Variants in INPP5A observed in about 807,000 individuals in gnomAD.
The protein encoded by INPP5A is inositol polyphosphate-5-phosphatase A.
INPP5A carries 14 observed loss-of-function variants against 65.2 expected under a neutral mutation model. The ratio of observed to expected loss-of-function variants is 0.21; its 90% CI spans 0.14 to 0.34. INPP5A has a LOEUF of 0.34. INPP5A is among the 10% of genes least tolerant of loss of function. INPP5A has a pLI of 1.00. For missense variants in INPP5A, 431 were observed against 545.6 expected (o/e 0.79, Z 2.09); for synonymous variants, 207 against 208.3 (o/e 0.99, Z 0.05).
chr10:132,765,902 C>A, intron 12 of INPP5A, 56 bp downstream of exon 12: 1 of 985,028 alleles, frequency 1.0e-6, no homozygotes, highest in Non-Finnish European at 1.7e-6. Context: ...CGTCTCCACC[C>A]TCCCAGTCTC....
At chr10:132,641,208 C>T (rs1198428061) in intron 2 of INPP5A, among the ~76,000 whole-genome samples, 1 of 152,220 alleles carries the variant, frequency 6.6e-6, no homozygotes, top group Non-Finnish European at 1.5e-5. Context: ...CCAAGAAAGG[C>T]AGGATAACAC....
At chr10:132,577,592 G>C (rs1251370355) in intron 1 of INPP5A, among the ~76,000 whole-genome samples, 1 of 152,246 alleles carries the variant, frequency 6.6e-6, no homozygotes, top group African/African-American at 2.4e-5. Context: ...CAGGTGGAAA[G>C]TGGCAGCTCT....
At chr10:132,768,797 T>C (rs576848793) in intron 12 of INPP5A, among the ~76,000 whole-genome samples, 1 of 152,354 alleles carries the variant, frequency 6.6e-6, no homozygotes, top group South Asian at 2.1e-4. Context: ...CGTTTCATGG[T>C]TTTTGCTGTT....
intron 4 of INPP5A, among the ~76,000 whole-genome samples, chr10:132,661,973 ACT>A (rs1348607914): frequency 6.6e-6 from 1 of 152,040 alleles, no homozygotes; most frequent in African/African-American, 2.4e-5. Flanking sequence ...TTTGCAAAAA[ACT>A]CACTTCAATT....
chr10:132,754,283 G>A (rs1846549563), intron 11 of INPP5A, among the ~76,000 whole-genome samples: 1 of 152,268 alleles, frequency 6.6e-6, no homozygotes, highest in Non-Finnish European at 1.5e-5. Context: ...TGTTTGGAGT[G>A]TCTGGCACAG....
At chr10:132,738,912 G>T (rs1016859820) in intron 9 of INPP5A, among the ~76,000 whole-genome samples, 16 of 152,206 alleles carry the variant, frequency 1.1e-4, no homozygotes, top group African/African-American at 3.9e-4. Context: ...TGAGGTCTGT[G>T]CTCCAGGGCC....
intron 12 of INPP5A, 124 bp from the exon 13 acceptor site, chr10:132,777,547 A>G (rs1273903731): frequency 1.3e-6 from 1 of 773,600 alleles, no homozygotes; most frequent in East Asian, 2.6e-5. Context: ...CCATGTGTGT[A>G]TTCATTCCCC....
At chr10:132,584,810 C>T (rs2071527946) in intron 1 of INPP5A, among the ~76,000 whole-genome samples, 1 of 152,164 alleles carries the variant, frequency 6.6e-6, no homozygotes, top group Admixed American at 6.5e-5. Context: ...CTCACAGTTC[C>T]CTGCCTCAAC....
chr10:132,661,389 A>G (rs1381689100), intron 4 of INPP5A, among the ~76,000 whole-genome samples: 1 of 152,238 alleles, frequency 6.6e-6, no homozygotes, highest in African/African-American at 2.4e-5. Flanking sequence ...TCAACTTGTA[A>G]ATGATGCCGT....
chr10:132,704,402 A>C lies in INPP5A; in HGVS notation c.475-3911A>C, dbSNP rs139107970. On this transcript the variant is annotated intron_variant, in intron 6 of 15. Coordinates refer to ENST00000368594, the MANE Select transcript of INPP5A (RefSeq NM_005539.5). The surrounding 1 kb of genome is among the most constrained non-coding windows in gnomAD (Gnocchi z 4.5). ...AAAGCCACCAAGGGACCATAGGTGC[A>C]GTTCTTAACCTGTGAGCCTCAGTTT... Among the ~76,000 whole-genome samples the C allele has an allele frequency of 6.6e-6, 1 of 152,324 alleles. No homozygotes were observed. The highest frequency in any genetic ancestry group is 2.4e-5 in the African/African-American group (1 of 41,582).
Position 132,762,827 on chromosome 10 carries a change from C to T in INPP5A, c.904-2946C>T, listed in dbSNP as rs1846758738. Reference sequence around the variant, plus strand: ...GCAATGTGGCAAGACCCCGTCTCTACAAAAAATAAAGACTTAGCAGGAGTG... The same window carrying T: ...GCAATGTGGCAAGACCCCGTCTCTATAAAAAATAAAGACTTAGCAGGAGTG... On this transcript the variant is annotated intron_variant, in intron 11 of 15. Coordinates refer to ENST00000368594, the MANE Select transcript of INPP5A (RefSeq NM_005539.5). The surrounding 1 kb of genome is among the most constrained non-coding windows in gnomAD (Gnocchi z 4.6). 6.6e-6 allele frequency among the ~76,000 whole-genome samples: 1 copy of T among 151,942 alleles called. No individual in the cohort carries two copies.
chr10:132,629,137 G>C (rs890721263), intron 2 of INPP5A, among the ~76,000 whole-genome samples: 2 of 152,172 alleles, frequency 1.3e-5, no homozygotes, highest in African/African-American at 4.8e-5. Flanking sequence ...TGCCGAGGGT[G>C]GGTCCATTTG....
At chr10:132,572,340 C>T (rs943850579) in intron 1 of INPP5A, among the ~76,000 whole-genome samples, 1 of 152,224 alleles carries the variant, frequency 6.6e-6, no homozygotes, top group Non-Finnish European at 1.5e-5. Context: ...GGGCCCCTCA[C>T]CTGGACCAGA....
chr10:132,775,188 G>GGGGCAGGGAGGAGAGAGGGGCAGGGA (rs1247276538), intron 12 of INPP5A, among the ~76,000 whole-genome samples: 2 of 1,750 alleles, frequency 1.1e-3, no homozygotes, highest in African/African-American at 4.5e-3. Context: ...CAGGGAGAGA[G>GGGGCAGGGAGGAGAGAGGGGCAGGGA]GGAGGGGCAG....
At chr10:132,673,428 T>C (rs2072920680) in intron 4 of INPP5A, among the ~76,000 whole-genome samples, 1 of 152,208 alleles carries the variant, frequency 6.6e-6, no homozygotes, top group South Asian at 2.1e-4. Context: ...TATTGGACGC[T>C]GATTCAGAGC....
Position 132,782,263 on chromosome 10 carries a change from T to G in INPP5A, c.*234T>G, listed in dbSNP as rs1847178246. On this transcript the variant is annotated 3_prime_UTR_variant, in exon 16 of 16. Coordinates refer to ENST00000368594, the MANE Select transcript of INPP5A (RefSeq NM_005539.5). This position sits in a 1 kb window ranked among gnomAD's most constrained non-coding sequence, Gnocchi z 4.4. ...GTAGAAATATTGGTTTTTTTTTTTT[T>G]TTTTTAAATAAGTCACAGTCCTGTT... 1 of 447,824 alleles carries G rather than the reference T, an allele frequency of 2.2e-6. No individual in the cohort carries two copies. Among genetic ancestry groups the G allele is most frequent in the Admixed American group, 3.6e-5 (1 of 27,814 alleles). The allele number at this position is 447,824 out of a possible 1,614,324, so 27.7% of individuals were successfully genotyped here.
chr10:132,642,277 A>C (rs1178352495), intron 2 of INPP5A, among the ~76,000 whole-genome samples: 1 of 152,206 alleles, frequency 6.6e-6, no homozygotes, highest in Admixed American at 6.5e-5. Context: ...AGCGTGCAGC[A>C]CTTGCTCTGT....
At chr10:132,618,786 C>G (rs1033862535) in intron 2 of INPP5A, among the ~76,000 whole-genome samples, 1 of 152,112 alleles carries the variant, frequency 6.6e-6, no homozygotes, top group Non-Finnish European at 1.5e-5. Context: ...AAAGCCAGAG[C>G]AAGAGAGAGC....
chr10:132,588,247 G>A (rs1008557251), intron 1 of INPP5A, among the ~76,000 whole-genome samples: 4 of 152,062 alleles, frequency 2.6e-5, no homozygotes, highest in African/African-American at 7.2e-5. Flanking sequence ...CTGTGTCCCC[G>A]TTTTCTTTTA....
Sources: gnomAD v4.1 joint callset for allele counts (sites outside exome capture counted in the v4.1 genomes callset) on GRCh38, gnomAD v4.1.1 for gene constraint, Gnocchi (gnomAD v3.1) non-coding constraint, MANE v1.5 for transcripts, NCBI Gene and HGNC (gene_info 2026-07-23, HGNC 2026-07-21) for gene names.